The following YY1 variants were observed in gnomAD, a reference collection of about 807,000 sequenced individuals.
YY1 encodes YY1 transcription factor, also known as transcriptional repressor protein YY1.
In YY1, 2 loss-of-function variants were observed where a neutral mutation model predicts 35.6. That is an observed-to-expected ratio of 0.06 (90% CI 0.02 to 0.18). The LOEUF (loss-of-function observed/expected upper bound fraction) is 0.18, where lower values mean the gene tolerates loss of function less well. Ranked by LOEUF, YY1 falls within the 10% of genes least tolerant of loss-of-function variation. The pLI, the probability that YY1 is intolerant of heterozygous loss-of-function variation, is 1.00. For synonymous variants in YY1, 268 were observed against 238.9 expected, an observed-to-expected ratio of 1.12 and a Z score of -1.12; for missense variants, 322 against 573.4, an observed-to-expected ratio of 0.56 and a Z score of 4.48.
At chr14:100,272,882 G>A (rs148342390) in intron 2 of YY1, among the ~76,000 whole-genome samples, 1 of 151,510 alleles carries the variant, frequency 6.6e-6, no homozygotes, top group East Asian at 1.9e-4. Flanking sequence ...TATAAGTGAG[G>A]ACATACCGCG....
chr14:100,274,568 C>A, intron 2 of YY1, 130 bp from the exon 3 acceptor site: 1 of 761,264 alleles, frequency 1.3e-6, no homozygotes, highest in Non-Finnish European at 2.3e-6. Flanking sequence ...ATCCTTTCTG[C>A]TTCATGGAAA....
intron 1 of YY1, among the ~76,000 whole-genome samples, chr14:100,258,385 A>AT (rs910470076): frequency 2.0e-5 from 3 of 151,754 alleles, no homozygotes; most frequent in Non-Finnish European, 4.4e-5. Context: ...ACATCCAGCT[A>AT]TTTTTTTCCT....
intron 1 of YY1, among the ~76,000 whole-genome samples, chr14:100,246,313 G>A (rs888045915): frequency 6.6e-6 from 1 of 152,244 alleles, no homozygotes; most frequent in Non-Finnish European, 1.5e-5. Flanking sequence ...TCCCGTGCCA[G>A]TCAGCACAGC....
At chr14:100,254,777 T>TA (rs1555369765) in intron 1 of YY1, among the ~76,000 whole-genome samples, 4 of 137,002 alleles carry the variant, frequency 2.9e-5, no homozygotes, top group African/African-American at 1.2e-4. Flanking sequence ...ATTTATTTAT[T>TA]TTTTTTTTTT....
chr14:100,258,097 A>C (rs1470502422), intron 1 of YY1, among the ~76,000 whole-genome samples: 1 of 151,920 alleles, frequency 6.6e-6, no homozygotes, highest in African/African-American at 2.4e-5. Flanking sequence ...GCTCCACTGC[A>C]CTCCAGCCTG....
chr14:100,242,223 A>G (rs1198406117), intron 1 of YY1, among the ~76,000 whole-genome samples: 2 of 152,152 alleles, frequency 1.3e-5, no homozygotes, highest in Non-Finnish European at 2.9e-5. Flanking sequence ...TTCCACATCC[A>G]GAGAAGCTGG....
chr14:100,244,894 CAT>C (rs1452518885), intron 1 of YY1, among the ~76,000 whole-genome samples: 5 of 151,004 alleles, frequency 3.3e-5, no homozygotes, highest in African/African-American at 7.3e-5. Context: ...TTGTCATACA[CAT>C]GTTTAGTTTC....
At chr14:100,245,675 C>T (rs1343666345) in intron 1 of YY1, among the ~76,000 whole-genome samples, 1 of 151,840 alleles carries the variant, frequency 6.6e-6, no homozygotes, top group African/African-American at 2.4e-5. Flanking sequence ...GGCGCGATCT[C>T]GGCTCACTGC....
intron 1 of YY1, among the ~76,000 whole-genome samples, chr14:100,260,794 T>C (rs1891075237): frequency 8.5e-6 from 1 of 117,186 alleles, no homozygotes; most frequent in African/African-American, 3.4e-5. Flanking sequence ...TTTTTTTTTT[T>C]TTTTTTTTTT....
chr14:100,254,775 A>ATTT (rs1196714660), intron 1 of YY1, among the ~76,000 whole-genome samples: 4 of 144,454 alleles, frequency 2.8e-5, no homozygotes, highest in African/African-American at 1.1e-4. Context: ...TTATTTATTT[A>ATTT]TTTTTTTTTT....
intron 1 of YY1, among the ~76,000 whole-genome samples, chr14:100,256,171 A>T (rs544753560): frequency 6.1e-4 from 93 of 151,928 alleles, no homozygotes; most frequent in Non-Finnish European, 1.2e-3. Context: ...TATGCCAGTG[A>T]TTCTCACAGA....
At chr14:100,271,677 T>C (rs1891240593) in intron 2 of YY1, among the ~76,000 whole-genome samples, 1 of 151,998 alleles carries the variant, frequency 6.6e-6, no homozygotes, top group Admixed American at 6.6e-5. Context: ...TTCTGTACTT[T>C]TTTTTTTTTG....
intron 2 of YY1, among the ~76,000 whole-genome samples, chr14:100,266,791 T>C (rs1371201944): frequency 6.6e-6 from 1 of 152,220 alleles, no homozygotes; most frequent in Non-Finnish European, 1.5e-5. Flanking sequence ...GAGAAATTAC[T>C]GTAAACATAG....
intron 1 of YY1, among the ~76,000 whole-genome samples, chr14:100,250,068 C>T (rs1008307813): frequency 1.3e-5 from 2 of 152,144 alleles, no homozygotes; most frequent in African/African-American, 2.4e-5. Context: ...CCACTGCACC[C>T]GGCCTACTTA....
chr14:100,272,221 G>C (rs921188332), intron 2 of YY1, among the ~76,000 whole-genome samples: 2 of 151,718 alleles, frequency 1.3e-5, no homozygotes, highest in Admixed American at 6.6e-5. Flanking sequence ...GCATGAACCT[G>C]GGAGGCGGAG....
At chr14:100,250,911 G>A (rs767365674) in intron 1 of YY1, among the ~76,000 whole-genome samples, 4 of 151,904 alleles carry the variant, frequency 2.6e-5, no homozygotes, top group African/African-American at 4.8e-5. Flanking sequence ...GGAGGCTGAC[G>A]TGGGAGAATC....
At chr14:100,260,632 C>T (rs1891070807) in intron 1 of YY1, among the ~76,000 whole-genome samples, 1 of 151,434 alleles carries the variant, frequency 6.6e-6, no homozygotes, top group African/African-American at 2.4e-5. Context: ...GCCACCACGC[C>T]TGGCTAATTT....
Position 100,276,731 on chromosome 14 carries a change from G to T in YY1, c.1062+83G>T. The stretch of plus-strand genomic sequence containing the variant: ...TAGGTGGTGTGGTGATGAGGCAGGA[G>T]GCGCCAGCCCAGAGACTCAGGGTCT... On this transcript the variant is annotated intron_variant, in intron 4 of 4. Transcript: ENST00000262238. This position sits in a 1 kb window ranked among gnomAD's most constrained non-coding sequence, Gnocchi z 4.1. 6.2e-7 allele frequency: 1 copy of T among 1,601,598 alleles called. No individual in the cohort carries two copies. The highest frequency in any genetic ancestry group is 8.5e-7 in the Non-Finnish European group (1 of 1,172,936).
chr14:100,259,461 A>G (rs894058645), intron 1 of YY1, among the ~76,000 whole-genome samples: 2 of 152,260 alleles, frequency 1.3e-5, no homozygotes, highest in African/African-American at 4.8e-5. Context: ...CGGAGGTTGC[A>G]GTGAGCTGAG....
Sources: gnomAD v4.1 joint callset for allele counts (sites outside exome capture counted in the v4.1 genomes callset) on GRCh38, gnomAD v4.1.1 for gene constraint, Gnocchi (gnomAD v3.1) non-coding constraint, MANE v1.5 for transcripts, NCBI Gene and HGNC (gene_info 2026-07-23, HGNC 2026-07-21) for gene names.